Variants in CRTAC1 observed in about 807,000 individuals in gnomAD.
The protein encoded by CRTAC1 is cartilage acidic protein 1, also known as acidic secreted protein in cartilage.
In CRTAC1, 37 loss-of-function variants were observed where a neutral mutation model predicts 67.8. That is an observed-to-expected ratio of 0.55 (90% CI 0.42 to 0.72). The LOEUF (loss-of-function observed/expected upper bound fraction) is 0.72, where lower values mean the gene tolerates loss of function less well. CRTAC1 is among the 30% of genes least tolerant of loss of function. The probability of loss-of-function intolerance (pLI) is 0.00; values close to 1 mark genes in which losing one functional copy is unlikely to be tolerated. For missense variants in CRTAC1, 780 were observed against 931.6 expected (o/e 0.84, Z 2.12); for synonymous variants, 348 against 371.0 (o/e 0.94, Z 0.71).
At chr10:97,955,534 G>A (rs561099593) in intron 2 of CRTAC1, among the ~76,000 whole-genome samples, 1 of 152,246 alleles carries the variant, frequency 6.6e-6, no homozygotes, top group South Asian at 2.1e-4. Flanking sequence ...CTTGTTCTGT[G>A]TCCTTGGGCA....
At chr10:97,939,805 TC>T (rs1476860021) in intron 2 of CRTAC1, among the ~76,000 whole-genome samples, 1 of 152,044 alleles carries the variant, frequency 6.6e-6, no homozygotes, top group African/African-American at 2.4e-5. Context: ...CTTCCCAGCC[TC>T]CCACAATGCC....
At chr10:98,016,332 C>T (rs1294446466) in intron 1 of CRTAC1, among the ~76,000 whole-genome samples, 2 of 152,138 alleles carry the variant, frequency 1.3e-5, no homozygotes, top group African/African-American at 4.8e-5. Flanking sequence ...GTTAAGTAAG[C>T]GCGGGAATGA....
At chr10:97,869,881 G>A (rs1293955025) in intron 14 of CRTAC1, 3 of 152,246 alleles carry the variant, frequency 2.0e-5, no homozygotes, top group Non-Finnish European at 4.4e-5. Context: ...CAATGAGGGG[G>A]GCCCAGACAG....
chr10:97,871,985 G>A (rs1298651619), intron 14 of CRTAC1, among the ~76,000 whole-genome samples: 1 of 152,186 alleles, frequency 6.6e-6, no homozygotes, highest in Non-Finnish European at 1.5e-5. Context: ...CCAAGAAGGG[G>A]GCAATGTTAC....
At chr10:97,977,351 G>T (rs1284299070) in intron 2 of CRTAC1, among the ~76,000 whole-genome samples, 1 of 152,212 alleles carries the variant, frequency 6.6e-6, no homozygotes, top group African/African-American at 2.4e-5. Flanking sequence ...TGGCACGTGA[G>T]CAAGAAAGGA....
chr10:97,913,498 C>T (rs1022598268), intron 5 of CRTAC1, among the ~76,000 whole-genome samples: 4 of 152,162 alleles, frequency 2.6e-5, no homozygotes, highest in African/African-American at 9.7e-5. Flanking sequence ...AGGCTAGCCA[C>T]AGGCTTGACA....
intron 11 of CRTAC1, among the ~76,000 whole-genome samples, chr10:97,892,815 C>T (rs762854278): frequency 6.6e-6 from 1 of 152,202 alleles, no homozygotes; most frequent in Non-Finnish European, 1.5e-5. Context: ...AACACTCCAA[C>T]CTCAGGCTGA....
chr10:97,974,308 C>G lies in CRTAC1; in HGVS notation c.224+36830G>C, dbSNP rs370748171. 1.6e-3 allele frequency among the ~76,000 whole-genome samples: 239 copies of G among 152,274 alleles called. 2 individuals carry two copies. The South Asian group carries it at 0.021, about 13-fold the overall frequency. On this transcript the variant is annotated intron_variant, in intron 2 of 14. Coordinates refer to ENST00000370597, the MANE Select transcript of CRTAC1 (RefSeq NM_018058.7). ...TGCCATGAAACCAGCAGGCTCCCCC[C>G]CTGCTGCGTAACAGGCGGACTCACT... is the stretch of plus-strand genomic sequence containing the variant.
chr10:97,965,151 G>A (rs1230252133), intron 2 of CRTAC1, among the ~76,000 whole-genome samples: 1 of 152,240 alleles, frequency 6.6e-6, no homozygotes, highest in African/African-American at 2.4e-5. Flanking sequence ...GTAGTCAGGA[G>A]TGATTGACCA....
intron 2 of CRTAC1, among the ~76,000 whole-genome samples, chr10:97,967,576 TTTATCTATAA>T (rs2051639696): frequency 1.3e-5 from 2 of 151,666 alleles, no homozygotes; most frequent in African/African-American, 4.9e-5. Context: ...TGTATAGACA[TTTATCTATAA>T]ATATTTCTAT....
intron 2 of CRTAC1, among the ~76,000 whole-genome samples, chr10:97,993,007 C>T (rs1193249314): frequency 6.6e-6 from 1 of 152,166 alleles, no homozygotes; most frequent in African/African-American, 2.4e-5. Context: ...ACAGTGTATA[C>T]ATATTTTATA....
chr10:97,877,553 T>C (rs1255452286), intron 14 of CRTAC1, among the ~76,000 whole-genome samples: 4 of 152,218 alleles, frequency 2.6e-5, no homozygotes, highest in Non-Finnish European at 4.4e-5. Context: ...TTACTTTTAC[T>C]TACCATTGTT....
chr10:97,965,112 G>A (rs968251792), intron 2 of CRTAC1, among the ~76,000 whole-genome samples: 5 of 152,220 alleles, frequency 3.3e-5, no homozygotes, highest in African/African-American at 1.2e-4. Context: ...AGAGTGCTGG[G>A]TGTCAGAGCT....
chr10:98,005,131 C>A (rs1842766065), intron 2 of CRTAC1, among the ~76,000 whole-genome samples: 1 of 52,082 alleles, frequency 1.9e-5, no homozygotes, highest in Non-Finnish European at 3.6e-5. Flanking sequence ...TGAGATGGAG[C>A]TTTGCTCTTG....
chr10:97,949,206 A>G (rs1024708070), intron 2 of CRTAC1, among the ~76,000 whole-genome samples: 1 of 152,238 alleles, frequency 6.6e-6, no homozygotes, highest in African/African-American at 2.4e-5. Context: ...ACACATGACC[A>G]CTTGCCATGG....
intron 1 of CRTAC1, among the ~76,000 whole-genome samples, chr10:98,011,780 G>T (rs990096812): frequency 6.6e-6 from 1 of 152,116 alleles, no homozygotes; most frequent in Non-Finnish European, 1.5e-5. Flanking sequence ...GTGGAAGGAA[G>T]GAAAGGAGGG....
In CRTAC1 at chr10:97,974,300, G is replaced by A. The variant is rs2051762632; in HGVS notation, c.224+36838C>T. Among the ~76,000 whole-genome samples, 3 of 152,196 alleles carry A rather than the reference G, an allele frequency of 2.0e-5. No homozygotes were observed. In the South Asian group the frequency reaches 6.2e-4, roughly 32 times the overall value. On this transcript the variant is annotated intron_variant, in intron 2 of 14. Transcript: ENST00000370597. ...AGCGAAGCTGCCATGAAACCAGCAG[G>A]CTCCCCCCCTGCTGCGTAACAGGCG...
Position 97,895,648 on chromosome 10 carries a change from G to C in CRTAC1, c.1318-235C>G, listed in dbSNP as rs1413681937. Among the ~76,000 whole-genome samples the C allele has an allele frequency of 1.3e-5, 2 of 152,226 alleles. No individual in the cohort carries two copies. Among genetic ancestry groups the C allele is most frequent in the African/African-American group, 4.8e-5 (2 of 41,456 alleles). The stretch of plus-strand genomic sequence containing the variant: ...GAGGAGACAAAAGCCGAGGGACTCA[G>C]GGCACAGTGTTTGGCAGATAAATGA... On this transcript the variant is annotated intron_variant, in intron 10 of 14. Transcript: ENST00000370597. This position sits in a 1 kb window ranked among gnomAD's most constrained non-coding sequence, Gnocchi z 4.2.
At position 97,896,895 on chromosome 10, in the gene CRTAC1, C is replaced by A; in HGVS notation, c.1216+14G>T. On this transcript the variant is annotated intron_variant, in intron 9 of 14. Coordinates refer to ENST00000370597, the MANE Select transcript of CRTAC1 (RefSeq NM_018058.7). ...AGGGGGCAGTGCAGGCCAGATCCCC[C>A]AGGTGCCCCTCACCTGTGCCCCGGC... 6.5e-7 allele frequency: 1 copy of A among 1,542,468 alleles called. No individual in the cohort carries two copies. The highest frequency in any genetic ancestry group is 1.2e-5 in the South Asian group (1 of 83,582).
Sources: gnomAD v4.1 joint callset for allele counts (sites outside exome capture counted in the v4.1 genomes callset) on GRCh38, gnomAD v4.1.1 for gene constraint, Gnocchi (gnomAD v3.1) non-coding constraint, MANE v1.5 for transcripts, NCBI Gene and HGNC (gene_info 2026-07-23, HGNC 2026-07-21) for gene names.